Variants in C12orf71 observed in about 807,000 individuals in gnomAD.
C12orf71 encodes chromosome 12 open reading frame 71.
A neutral mutation model predicts 11.7 loss-of-function variants in C12orf71; 10 were observed. The ratio of observed to expected loss-of-function variants is 0.86; its 90% CI spans 0.53 to 1.45. The LOEUF is 1.45. Among genes scored for constraint, C12orf71 ranks in the 40% most tolerant of loss-of-function variants. C12orf71 has a pLI of 0.00. For synonymous variants in C12orf71, 110 were observed against 123.4 expected, an observed-to-expected ratio of 0.89 and a Z score of 0.72; for missense variants, 293 against 325.8, an observed-to-expected ratio of 0.90 and a Z score of 0.78.
rs749352351 is a variant in C12orf71, at chr12:27,082,345, T to C, written c.139A>G (p.Lys47Glu). 6 of 1,600,078 alleles carry C rather than the reference T, an allele frequency of 3.7e-6. No homozygotes were observed. In the East Asian group the frequency reaches 1.3e-4, roughly 36 times the overall value. ...GGCAGAAAGTGGATGGAAGGACCCT[T>C]GGAAGGTGCATCTTCCCAGGAGGTT... ...DTTSWEDAPS[K>E]GPSIHFLPPV... Residue 47 changes from lysine to glutamate, a missense_variant, in exon 1 of 2, where the codon AAG becomes GAG. Lys to Glu is a moderately conservative substitution (Grantham distance 56, BLOSUM62 1). Transcript: ENST00000429849.
chr12:27,083,443 T>C (rs1414833416), upstream of C12orf71, among the ~76,000 whole-genome samples: 2 of 152,210 alleles, frequency 1.3e-5, no homozygotes, highest in African/African-American at 2.4e-5. Flanking sequence ...AGTATGAAGA[T>C]GAAATAAATA....
At chr12:27,083,643 G>A (rs1422128174), upstream of C12orf71, among the ~76,000 whole-genome samples, 1 of 152,102 alleles carries the variant, frequency 6.6e-6, no homozygotes, top group Non-Finnish European at 1.5e-5. Flanking sequence ...TTATCCCATA[G>A]CCTACAACAA....
Position 27,082,090 on chromosome 12 carries a change from TCAGTTTGCCAACAGA to T in C12orf71, c.379_393del (p.Ser127_Leu131del). The T allele has an allele frequency of 1.9e-6, 3 of 1,611,422 alleles. No homozygotes were observed. The highest frequency in any genetic ancestry group is 2.5e-6 in the Non-Finnish European group (3 of 1,178,536). On this transcript the variant is annotated inframe_deletion, in exon 1 of 2. Coordinates refer to ENST00000429849, the MANE Select transcript of C12orf71 (RefSeq NM_001080406.2). ...ATCTGAAACTCTTGCACAAGATTAT[TCAGTTTGCCAACAGA>T]CAGTTTTGTTCTCTCTTTTGGTAAC...
Position 27,082,121 on chromosome 12 carries a change from T to C in C12orf71, c.363A>G (p.Lys121=), listed in dbSNP as rs1471020747. The C allele has an allele frequency of 6.2e-7, 1 of 1,613,186 alleles. No homozygotes were observed. Among genetic ancestry groups the C allele is most frequent in the African/African-American group, 1.3e-5 (1 of 74,928 alleles). The change falls in exon 1 of 2, where the codon AAA becomes AAG. Residue 121 remains lysine (K), a synonymous_variant. Coordinates refer to ENST00000429849, the MANE Select transcript of C12orf71 (RefSeq NM_001080406.2). ...TGCCAACAGACAGTTTTGTTCTCTCTTTTGGTAACTTGTCTATCCACAGGT... is the reference window on the plus strand; with the variant it reads ...TGCCAACAGACAGTTTTGTTCTCTCCTTTGGTAACTTGTCTATCCACAGGT... The part of the protein sequence containing the change: ...GDNLWIDKLP[K]ERTKLSVGKL...
chr12:27,082,613 T>TC (rs1163615701), upstream of C12orf71: 4 of 689,154 alleles, frequency 5.8e-6, no homozygotes, highest in Non-Finnish European at 8.5e-6. Context: ...TTCTCTTTTT[T>TC]CTTTTTTTTT....
upstream of C12orf71, among the ~76,000 whole-genome samples, chr12:27,083,693 A>G (rs1304471976): frequency 2.6e-5 from 4 of 152,212 alleles, no homozygotes; most frequent in Non-Finnish European, 4.4e-5. Flanking sequence ...ACCACTTCTT[A>G]TTAATGCTAA....
chr12:27,082,607 C>CT, upstream of C12orf71: 2 of 669,188 alleles, frequency 3.0e-6, no homozygotes, highest in Middle Eastern at 3.4e-4. Context: ...ATTCCCTTCT[C>CT]TTTTTTCTTT....
Position 27,082,538 on chromosome 12 carries a change from G to T in C12orf71, c.-55C>A, listed in dbSNP as rs1490701010. The T allele has an allele frequency of 2.9e-6, 4 of 1,370,958 alleles. No homozygotes were observed. The highest frequency in any genetic ancestry group is 1.9e-5 in the South Asian group (1 of 53,932). The allele number at this position is 1,370,958 out of a possible 1,614,324, so 84.9% of individuals were successfully genotyped here. A position where few individuals can be genotyped will look rare whatever the true frequency, so the allele number is the denominator to read the frequency against. On this transcript the variant is annotated 5_prime_UTR_variant, in exon 1 of 2. Transcript: ENST00000429849. ...TTGAGAAGCTTCAAAAAAGAAAAAA[G>T]AAAAAATAGGTGGGACTAAGGAGAA...
Position 27,082,049 on chromosome 12 carries a change from C to A in C12orf71, c.435G>T (p.Leu145=). ...VQEFQIFLEN[L]KDDDAVFPET... ...CAGGAAATACAGCGTCATCATCTTT[C>A]AGATTTTCTAGAAATATCTGAAACT... is the stretch of plus-strand genomic sequence containing the variant. Residue 145 remains leucine (L), a synonymous_variant, in exon 1 of 2, where the codon CTG becomes CTT. Transcript: ENST00000429849. 1 of 1,601,270 alleles carries A rather than the reference C, an allele frequency of 6.2e-7. No individual in the cohort carries two copies. The highest frequency in any genetic ancestry group is 8.5e-7 in the Non-Finnish European group (1 of 1,173,010).
At chr12:27,081,850 C>T (rs2136522424) in intron 1 of C12orf71, 118 bp downstream of exon 1, 1 of 1,090,872 alleles carries the variant, frequency 9.2e-7, no homozygotes, top group Non-Finnish European at 1.4e-6. Context: ...CTGCTCTCCT[C>T]AGCCAGCTCA....
chr12:27,082,512 C>G lies in C12orf71; in HGVS notation c.-29G>C. Reference sequence around the variant, plus strand: ...GTTCAAAGGCACAAATTTCTCTCAACTTGAGAAGCTTCAAAAAAGAAAAAA... The same window carrying G: ...GTTCAAAGGCACAAATTTCTCTCAAGTTGAGAAGCTTCAAAAAAGAAAAAA... On this transcript the variant is annotated 5_prime_UTR_variant, in exon 1 of 2. Coordinates refer to ENST00000429849, the MANE Select transcript of C12orf71 (RefSeq NM_001080406.2). 2 of 1,440,694 alleles carry G rather than the reference C, an allele frequency of 1.4e-6. No individual in the cohort carries two copies. Among genetic ancestry groups the G allele is most frequent in the Non-Finnish European group, 1.8e-6 (2 of 1,095,626 alleles). The allele number at this position is 1,440,694 out of a possible 1,614,324, so 89.2% of individuals were successfully genotyped here.
chr12:27,081,428 GA>G lies in C12orf71; in HGVS notation c.555del (p.Pro186GlnfsTer26), dbSNP rs1941931699. On this transcript the variant is annotated frameshift_variant, in exon 2 of 2. Coordinates refer to ENST00000429849, the MANE Select transcript of C12orf71 (RefSeq NM_001080406.2). LOFTEE classifies it low-confidence loss of function (END_TRUNC). Reference sequence around the variant, plus strand: ...TCTGACAGGATTGAGGAGATCTCTGGAGCGCTTGTCCTTTGGCTGGCGGTTG... The same window carrying G: ...TCTGACAGGATTGAGGAGATCTCTGGGCGCTTGTCCTTTGGCTGGCGGTTG... ...SQATASQRTS[A>X]PEISSILSEQ... The G allele has an allele frequency of 6.2e-7, 1 of 1,613,472 alleles. No individual in the cohort carries two copies. Among genetic ancestry groups the G allele is most frequent in the Non-Finnish European group, 8.5e-7 (1 of 1,179,584 alleles).
chr12:27,083,023 C>CT (rs1941950726), upstream of C12orf71, among the ~76,000 whole-genome samples: 8 of 152,074 alleles, frequency 5.3e-5, no homozygotes, highest in South Asian at 1.5e-3. Context: ...TCACCGCAAC[C>CT]TCCGTCTCCT....
intron 1 of C12orf71, chr12:27,081,732 GTC>G (rs1264150424): frequency 2.8e-6 from 2 of 703,730 alleles, no homozygotes; most frequent in East Asian, 5.4e-5. Flanking sequence ...TTTCCTTGTT[GTC>G]TCCCACTGGT....
upstream of C12orf71, among the ~76,000 whole-genome samples, chr12:27,083,590 T>G (rs1415738226): frequency 6.6e-6 from 1 of 152,208 alleles, no homozygotes; most frequent in Non-Finnish European, 1.5e-5. Context: ...CATATACATA[T>G]ATGTAAATGT....
chr12:27,083,330 A>C (rs1434860408), upstream of C12orf71, among the ~76,000 whole-genome samples: 1 of 152,190 alleles, frequency 6.6e-6, no homozygotes, highest in Non-Finnish European at 1.5e-5. Context: ...AATCCTCTCT[A>C]CTAAGCATCT....
Position 27,081,366 on chromosome 12 carries a change from C to CTG in C12orf71, c.616_617dup (p.Gln206HisfsTer7). On this transcript the variant is annotated frameshift_variant, in exon 2 of 2. Transcript: ENST00000429849. LOFTEE classifies it low-confidence loss of function (END_TRUNC). ...ACCCAAAGTTCAGGCAGCACTGGGCCTGTGTGTGTGAAGGAGTGTCATCCT... is the reference window on the plus strand; with the variant it reads ...ACCCAAAGTTCAGGCAGCACTGGGCCTGTGTGTGTGTGAAGGAGTGTCATCCT... 1 of 1,613,936 alleles carries CTG rather than the reference C, an allele frequency of 6.2e-7. No individual in the cohort carries two copies.
In C12orf71 at chr12:27,081,962, A is replaced by C. The variant is rs1309643481; in HGVS notation, c.516+6T>G. 1.3e-6 allele frequency: 2 copies of C among 1,574,470 alleles called. No homozygotes were observed. Among genetic ancestry groups the C allele is most frequent in the Non-Finnish European group, 1.7e-6 (2 of 1,158,218 alleles). ...CTTGACAAGCATCATATTCCTGATG[A>C]CTGACCTGAACCATTTCCGGAGGGG... On this transcript the variant is annotated splice_donor_region_variant and intron_variant, in intron 1 of 1. Transcript: ENST00000429849.
In C12orf71 at chr12:27,081,306, G is replaced by A. The variant is rs1207933460; in HGVS notation, c.678C>T (p.Pro226=). Residue 226 remains proline, a synonymous_variant, in exon 2 of 2, where the codon CCC becomes CCT. Transcript: ENST00000429849. ...AFSWLRQRIL[P]SLLRRDHPVN... ...CAGGGTGATCCCTCCTCAGCAGAGAGGGGAGGATACGCTGCCTCAGCCAGC... is the reference window on the plus strand; with the variant it reads ...CAGGGTGATCCCTCCTCAGCAGAGAAGGGAGGATACGCTGCCTCAGCCAGC... 1.9e-6 allele frequency: 3 copies of A among 1,613,788 alleles called. No individual in the cohort carries two copies. Among genetic ancestry groups the A allele is most frequent in the Non-Finnish European group, 2.5e-6 (3 of 1,179,900 alleles).
Sources: allele counts gnomAD v4.1 joint callset (sites outside exome capture counted in the v4.1 genomes callset), GRCh38; gene constraint gnomAD v4.1.1; transcripts MANE v1.5; gene names NCBI Gene and HGNC (gene_info 2026-07-23, HGNC 2026-07-21).